The following TMCC1 variants were observed in gnomAD, a reference collection of about 807,000 sequenced individuals.
The protein encoded by TMCC1 is transmembrane and coiled-coil domains protein 1.
A neutral mutation model predicts 52.4 loss-of-function variants in TMCC1; 15 were observed. The observed-to-expected ratio is 0.29, with a 90% CI of 0.19 to 0.44. TMCC1 has a LOEUF of 0.44. Ranked by LOEUF, TMCC1 falls within the 20% of genes least tolerant of loss-of-function variation. The pLI is 1.00. For synonymous variants in TMCC1, 279 were observed against 301.9 expected, an observed-to-expected ratio of 0.92 and a Z score of 0.79; for missense variants, 503 against 806.0, an observed-to-expected ratio of 0.62 and a Z score of 4.55.
chr3:129,681,369 C>T (rs1209317717), intron 4 of TMCC1, among the ~76,000 whole-genome samples: 5 of 151,796 alleles, frequency 3.3e-5, no homozygotes, highest in Admixed American at 6.6e-5. Flanking sequence ...GGAATACTCA[C>T]GGTTTGAATT....
intron 4 of TMCC1, among the ~76,000 whole-genome samples, chr3:129,716,013 C>G (rs1440898058): frequency 6.6e-6 from 1 of 152,146 alleles, no homozygotes; most frequent in East Asian, 1.9e-4. Context: ...GCTACCTCCC[C>G]TTCACCAGAC....
At chr3:129,661,120 G>A (rs189870406) in intron 5 of TMCC1, among the ~76,000 whole-genome samples, 151 of 152,314 alleles carry the variant, frequency 9.9e-4, no homozygotes, top group African/African-American at 3.4e-3. Flanking sequence ...ATAAGAAAAT[G>A]TAACTATTGT....
At chr3:129,893,168 C>G (rs375575756) in intron 1 of TMCC1, 1 of 152,296 alleles carries the variant, frequency 6.6e-6, no homozygotes, top group Admixed American at 6.5e-5. Context: ...ACTTCTCACA[C>G]GCCCCTCCCT....
At chr3:129,803,789 T>A (rs149181035) in intron 4 of TMCC1, among the ~76,000 whole-genome samples, 179 of 152,230 alleles carry the variant, frequency 1.2e-3, no homozygotes, top group African/African-American at 3.7e-3. Flanking sequence ...TTACTCATAA[T>A]CACACAATGT....
chr3:129,668,905 G>T (rs142709755), intron 5 of TMCC1, among the ~76,000 whole-genome samples: 1 of 152,166 alleles, frequency 6.6e-6, no homozygotes, highest in Non-Finnish European at 1.5e-5. Context: ...GATTACAGGC[G>T]TGAGCCACTG....
intron 4 of TMCC1, among the ~76,000 whole-genome samples, chr3:129,714,688 A>T (rs1262134543): frequency 6.6e-6 from 1 of 152,228 alleles, no homozygotes; most frequent in Non-Finnish European, 1.5e-5. Flanking sequence ...CAAACAGATA[A>T]TGTGCATGAG....
intron 4 of TMCC1, among the ~76,000 whole-genome samples, chr3:129,752,962 G>A (rs1415350406): frequency 6.6e-6 from 1 of 152,140 alleles, no homozygotes; most frequent in Non-Finnish European, 1.5e-5. Context: ...GACAGAAAGA[G>A]AGAAGGGGGA....
chr3:129,721,821 A>G (rs1576580416), intron 4 of TMCC1, among the ~76,000 whole-genome samples: 1 of 152,088 alleles, frequency 6.6e-6, no homozygotes, highest in East Asian at 1.9e-4. Flanking sequence ...GCTTGCAGTG[A>G]GCCGAGATGG....
At chr3:129,848,007 G>C (rs1253924940) in intron 2 of TMCC1, 1 of 151,984 alleles carries the variant, frequency 6.6e-6, no homozygotes, top group Non-Finnish European at 1.5e-5. Context: ...TTTTCTTATG[G>C]GGTTGTCTTT....
chr3:129,778,982 G>C (rs550284289), intron 4 of TMCC1, among the ~76,000 whole-genome samples: 4 of 151,998 alleles, frequency 2.6e-5, no homozygotes, highest in African/African-American at 9.6e-5. Flanking sequence ...CAGGGGTTTT[G>C]TTTTGTAGTT....
In TMCC1 at chr3:129,875,857, G is replaced by A. The variant is rs550127153; in HGVS notation, c.-184+4452C>T. Among the ~76,000 whole-genome samples, 11 of 152,296 alleles carry A rather than the reference G, an allele frequency of 7.2e-5. No individual in the cohort carries two copies. The East Asian group carries it at 7.7e-4, about 11-fold the overall frequency. On this transcript the variant is annotated intron_variant, in intron 2 of 6. Coordinates refer to ENST00000393238, the MANE Select transcript of TMCC1 (RefSeq NM_001017395.5). ...TACCAAAGAATAATAAAATAGGGCCGGTGCCGTGGCTCACGCCCGTAATCC... is the reference window on the plus strand; with the variant it reads ...TACCAAAGAATAATAAAATAGGGCCAGTGCCGTGGCTCACGCCCGTAATCC...
intron 2 of TMCC1, among the ~76,000 whole-genome samples, chr3:129,846,313 G>C (rs552929971): frequency 1.0e-3 from 155 of 152,274 alleles, no homozygotes; most frequent in African/African-American, 3.4e-3. Flanking sequence ...CTGAACCCAA[G>C]AGATAGAGGC....
intron 4 of TMCC1, among the ~76,000 whole-genome samples, chr3:129,784,828 G>A (rs998789819): frequency 1.3e-5 from 2 of 152,020 alleles, no homozygotes; most frequent in African/African-American, 4.8e-5. Flanking sequence ...GCCAGGCATG[G>A]TGGTGCATGC....
chr3:129,691,656 T>C (rs1453169692), intron 4 of TMCC1, among the ~76,000 whole-genome samples: 1 of 152,132 alleles, frequency 6.6e-6, no homozygotes, highest in Non-Finnish European at 1.5e-5. Context: ...TGGTGGTACA[T>C]GCCTGTAGTC....
intron 4 of TMCC1, among the ~76,000 whole-genome samples, chr3:129,676,036 CA>C (rs61105005): frequency 0.067 from 3,109 of 46,298 alleles, 14 homozygotes; most frequent in Non-Finnish European, 0.087. Flanking sequence ...GACTCTGTCT[CA>C]AAAAAAAAAA....
At chr3:129,785,120 A>T (rs2055893787) in intron 4 of TMCC1, among the ~76,000 whole-genome samples, 1 of 152,182 alleles carries the variant, frequency 6.6e-6, no homozygotes, top group African/African-American at 2.4e-5. Flanking sequence ...CAAGTTGATA[A>T]CTGTATTTAG....
At chr3:129,809,663 AAG>A (rs1222084041) in intron 4 of TMCC1, among the ~76,000 whole-genome samples, 3 of 152,126 alleles carry the variant, frequency 2.0e-5, no homozygotes, top group Admixed American at 6.5e-5. Context: ...GGTGCAAAAG[AAG>A]AGAGAGAGAG....
intron 5 of TMCC1, among the ~76,000 whole-genome samples, chr3:129,667,809 C>T (rs933016231): frequency 1.3e-5 from 2 of 152,142 alleles, no homozygotes; most frequent in African/African-American, 2.4e-5. Flanking sequence ...TCTTGACTTT[C>T]TACATCTTGA....
intron 4 of TMCC1, among the ~76,000 whole-genome samples, chr3:129,693,112 G>C (rs1206055490): frequency 6.6e-6 from 1 of 152,098 alleles, no homozygotes; most frequent in Non-Finnish European, 1.5e-5. Context: ...TATACTACTG[G>C]GATGTGAAAA....
Sources: allele counts gnomAD v4.1 joint callset (sites outside exome capture counted in the v4.1 genomes callset), GRCh38; gene constraint gnomAD v4.1.1; transcripts MANE v1.5; gene names NCBI Gene and HGNC (gene_info 2026-07-23, HGNC 2026-07-21).